Variants in CCDC136 observed in about 807,000 individuals in gnomAD.
CCDC136 encodes the protein coiled-coil domain-containing protein 136.
In CCDC136, 100 loss-of-function variants were observed where a neutral mutation model predicts 141.2. That is an observed-to-expected ratio of 0.71 (90% CI 0.60 to 0.84). CCDC136 has a LOEUF of 0.84. CCDC136 is among the 40% of genes least tolerant of loss of function. The pLI is 0.00. For synonymous variants in CCDC136, 474 were observed against 531.9 expected (o/e 0.89, Z 1.50); for missense variants, 1,206 against 1,379.4 (o/e 0.87, Z 1.99).
At chr7:128,798,472 C>T (rs374421689) in intron 3 of CCDC136, among the ~76,000 whole-genome samples, 3 of 151,780 alleles carry the variant, frequency 2.0e-5, no homozygotes, top group Non-Finnish European at 2.9e-5. Flanking sequence ...GGCTGGTCTC[C>T]AACCCCTGAT....
chr7:128,811,728 T>C (rs1367495413), intron 12 of CCDC136, 72 bp from the exon 13 acceptor site: 3 of 1,379,236 alleles, frequency 2.2e-6, no homozygotes, highest in East Asian at 2.3e-5. Flanking sequence ...CAGACATCTG[T>C]ACCAGGAGAG....
At chr7:128,793,704 G>C (rs1056650925) in intron 1 of CCDC136, among the ~76,000 whole-genome samples, 7 of 152,188 alleles carry the variant, frequency 4.6e-5, no homozygotes, top group Admixed American at 2.6e-4. Context: ...CCAGTTCCCA[G>C]GTTCAAGCGA....
At chr7:128,806,505 T>C (rs1259256565) in intron 8 of CCDC136, 110 bp downstream of exon 8, 2 of 1,152,462 alleles carry the variant, frequency 1.7e-6, no homozygotes, top group Admixed American at 2.7e-5. Flanking sequence ...AGCAACCACA[T>C]AGGCAGCACC....
upstream of CCDC136, chr7:128,791,507 C>G (rs1388866989): frequency 1.2e-4 from 158 of 1,298,086 alleles, no homozygotes; most frequent in Non-Finnish European, 1.5e-4. The surrounding 1 kb of genome is among the most constrained non-coding windows in gnomAD (Gnocchi z 7.1). Context: ...GAGGCGGGCG[C>G]CGGAGCCGGC....
At chr7:128,790,878 A>ATCCGGGCCTCGACTTCCCTCC (rs1802096877), upstream of CCDC136, 2 of 152,184 alleles carry the variant, frequency 1.3e-5, no homozygotes, top group South Asian at 4.1e-4. The surrounding 1 kb of genome is among the most constrained non-coding windows in gnomAD (Gnocchi z 5.4). Flanking sequence ...CCGTTCGCCC[A>ATCCGGGCCTCGACTTCCCTCC]TCCGGGCCTC....
intron 12 of CCDC136, among the ~76,000 whole-genome samples, chr7:128,810,634 G>A (rs576142187): frequency 1.3e-5 from 2 of 152,330 alleles, no homozygotes; most frequent in South Asian, 4.1e-4. Context: ...TGAGCACTCA[G>A]GGCAGAGCTG....
chr7:128,810,131 C>T lies in CCDC136; in HGVS notation c.1801-8C>T, dbSNP rs950463092. 9.0e-6 allele frequency: 14 copies of T among 1,553,114 alleles called. No homozygotes were observed. In the African/African-American group the frequency reaches 1.1e-4, roughly 12 times the overall value. The stretch of plus-strand genomic sequence containing the variant: ...ATCCCTTGCCTCCTTCCTTCTACTC[C>T]GCCTCAGAGTCAGGAGCTACTCACC... On this transcript the variant is annotated splice_polypyrimidine_tract_variant and splice_region_variant and intron_variant, in intron 11 of 17. Coordinates refer to ENST00000297788, the MANE Select transcript of CCDC136 (RefSeq NM_022742.5).
At chr7:128,809,156 G>C in intron 10 of CCDC136, 1 of 346,802 alleles carries the variant, frequency 2.9e-6, no homozygotes, top group Non-Finnish European at 5.0e-6. Context: ...GGGGAAATGA[G>C]AAAGGGGCAT....
chr7:128,796,739 A>ATATTTT lies in CCDC136; in HGVS notation c.346+1972_346+1973insATTTTT. On this transcript the variant is annotated intron_variant, in intron 3 of 17. Transcript: ENST00000297788. The stretch of plus-strand genomic sequence containing the variant: ...TGATTCAGAATATATATATATATAT[A>ATATTTT]TTCTTTTTTTTTTTTTTTTTGAGAC... Among the ~76,000 whole-genome samples the ATATTTT allele has an allele frequency of 2.6e-4, 29 of 113,380 alleles. 1 individual carries two copies. The highest frequency in any genetic ancestry group is 1.3e-3 in the African/African-American group (28 of 21,812). 74.4% of individuals were successfully genotyped at this position (113,380 alleles called of 152,430 possible). A position where few individuals can be genotyped will look rare whatever the true frequency, so the allele number is the denominator to read the frequency against.
intron 1 of CCDC136, among the ~76,000 whole-genome samples, chr7:128,793,607 T>TTTTG (rs904564009): frequency 5.3e-5 from 8 of 152,108 alleles, no homozygotes; most frequent in African/African-American, 1.7e-4. Context: ...GTTTGGTTGT[T>TTTTG]TTTGTTTGTT....
Position 128,805,897 on chromosome 7 carries a change from C to A in CCDC136, c.1085C>A (p.Thr362Asn). The change falls in exon 7 of 18, where the codon ACC becomes AAC. Residue 362 changes from threonine (T) to asparagine (N), a missense_variant. Physicochemically the swap from Thr to Asn is moderately conservative, Grantham distance 65 (BLOSUM62 0). Transcript: ENST00000297788. The surrounding 1 kb of genome is among the most constrained non-coding windows in gnomAD (Gnocchi z 4.6). ...VLRFQTSHSV[T>N]QNEELKSRLC... ...CGGTTTCAGACCTCCCACAGTGTCA[C>A]CCAGGTAAACACTGCCCGGGGAGGC... is the stretch of plus-strand genomic sequence containing the variant. 6.2e-7 allele frequency: 1 copy of A among 1,613,840 alleles called. No homozygotes were observed. The highest frequency in any genetic ancestry group is 8.5e-7 in the Non-Finnish European group (1 of 1,179,858).
chr7:128,812,951 G>C (rs1806012896), intron 14 of CCDC136, 22 bp downstream of exon 14: 1 of 1,545,452 alleles, frequency 6.5e-7, no homozygotes, highest in Non-Finnish European at 8.8e-7. Flanking sequence ...CAGGGAGGCA[G>C]GGTTTCCTCT....
intron 3 of CCDC136, among the ~76,000 whole-genome samples, chr7:128,798,378 A>G (rs1197697222): frequency 1.3e-5 from 2 of 151,984 alleles, no homozygotes; most frequent in African/African-American, 4.8e-5. Flanking sequence ...CAGCTTCGCG[A>G]GTAGCTGGGA....
Position 128,815,707 on chromosome 7 carries a change from A to G in CCDC136, c.3139A>G (p.Lys1047Glu), listed in dbSNP as rs972900763. ...AAAGAAAGAGGAGATGGAGGAGGAA[A>G]AAAAGCAAGTGAAAGAGGAAGCAAA... ...EEKKEEMEEEKKQVKEEAKEQ... is the reference protein window; with the variant it reads ...EEKKEEMEEEEKQVKEEAKEQ... The change falls in exon 16 of 18, where the codon AAA becomes GAA. Residue 1047 changes from lysine (K) to glutamate (E), a missense_variant. Transcript: ENST00000297788. The G allele has an allele frequency of 5.8e-6, 9 of 1,556,168 alleles. No homozygotes were observed. Among genetic ancestry groups the G allele is most frequent in the Non-Finnish European group, 7.8e-6 (9 of 1,149,758 alleles).
rs746512821 is a variant in CCDC136, at chr7:128,805,861, A to C, written c.1049A>C (p.Asn350Thr). 8.1e-6 allele frequency: 13 copies of C among 1,614,010 alleles called. No homozygotes were observed. The highest frequency in any genetic ancestry group is 1.6e-4 in the Middle Eastern group (1 of 6,062). ...CAGAGGGAGCTCAAGTGTGCTCAGA[A>C]TGAGGTGCTTCGGTTTCAGACCTCC... is the stretch of plus-strand genomic sequence containing the variant. ...RLQRELKCAQNEVLRFQTSHS... is the reference protein window; with the variant it reads ...RLQRELKCAQTEVLRFQTSHS... Residue 350 changes from asparagine (N) to threonine (T), a missense_variant, in exon 7 of 18, where the codon AAT (asparagine) becomes ACT (threonine). Coordinates refer to ENST00000297788, the MANE Select transcript of CCDC136 (RefSeq NM_022742.5). The surrounding 1 kb of genome is among the most constrained non-coding windows in gnomAD (Gnocchi z 4.6).
intron 13 of CCDC136, among the ~76,000 whole-genome samples, 153 bp downstream of exon 13, chr7:128,812,465 C>G (rs1198342699): frequency 6.6e-6 from 1 of 152,158 alleles, no homozygotes; most frequent in African/African-American, 2.4e-5. Context: ...CTACCCATGG[C>G]AGCCTGGTCT....
intron 4 of CCDC136, among the ~76,000 whole-genome samples, chr7:128,802,495 AATT>A (rs1444982475): frequency 6.6e-6 from 1 of 151,974 alleles, no homozygotes; most frequent in Non-Finnish European, 1.5e-5. Flanking sequence ...CAGCTCCACT[AATT>A]AGCAGGATGA....
intron 3 of CCDC136, among the ~76,000 whole-genome samples, chr7:128,796,739 AT>A (rs1554377202): frequency 8.8e-6 from 1 of 113,374 alleles, no homozygotes; most frequent in Non-Finnish European, 1.7e-5. Context: ...ATATATATAT[AT>A]TCTTTTTTTT....
Position 128,801,471 on chromosome 7 carries a change from C to T in CCDC136, c.632C>T (p.Ser211Phe). ...AEMEMKSSEP[S>F]GSLGLSDYSG... ...ATGGAAATGAAGAGCTCTGAACCAT[C>T]CGGTAGTTTAGGTCTCTCAGATTAC... is the stretch of plus-strand genomic sequence containing the variant. The change falls in exon 4 of 18, where the codon TCC (serine) becomes TTC (phenylalanine). Residue 211 changes from serine (S) to phenylalanine (F), a missense_variant. By Grantham distance (155) the Ser-to-Phe change is radical. Coordinates refer to ENST00000297788, the MANE Select transcript of CCDC136 (RefSeq NM_022742.5). 1 of 1,609,494 alleles carries T rather than the reference C, an allele frequency of 6.2e-7. No homozygotes were observed. Among genetic ancestry groups the T allele is most frequent in the Admixed American group, 1.7e-5 (1 of 59,900 alleles).
Sources: gnomAD v4.1 joint callset for allele counts (sites outside exome capture counted in the v4.1 genomes callset) on GRCh38, gnomAD v4.1.1 for gene constraint, Gnocchi (gnomAD v3.1) non-coding constraint, MANE v1.5 for transcripts, NCBI Gene and HGNC (gene_info 2026-07-23, HGNC 2026-07-21) for gene names.